CREB3L2: variants seen among roughly 807,000 people sequenced by gnomAD.
CREB3L2 encodes cyclic AMP-responsive element-binding protein 3-like protein 2.
In CREB3L2, 23 loss-of-function variants were observed where a neutral mutation model predicts 57.2. The ratio of observed to expected loss-of-function variants is 0.40; its 90% confidence interval spans 0.29 to 0.57. The LOEUF is 0.57. Among genes scored for constraint, CREB3L2 ranks in the 20% least tolerant of loss-of-function variants. The pLI is 0.42. For missense variants in CREB3L2, 628 were observed against 634.7 expected (o/e 0.99, Z 0.11); for synonymous variants, 268 against 265.1 (o/e 1.01, Z -0.11).
At chr7:137,904,125 G>T in intron 6 of CREB3L2, 108 bp from the exon 7 acceptor site, 1 of 893,586 alleles carries the variant, frequency 1.1e-6, no homozygotes, top group Non-Finnish European at 1.8e-6. Flanking sequence ...GCTTACTTCT[G>T]CAAGCTGCTT....
intron 10 of CREB3L2, 95 bp from the exon 11 acceptor site, chr7:137,882,723 C>T: frequency 1.2e-6 from 1 of 833,550 alleles, no homozygotes; most frequent in Non-Finnish European, 1.8e-6. Flanking sequence ...TGGCAGATGA[C>T]AATGTGTGTG....
chr7:137,922,620 G>A (rs1354880838), intron 2 of CREB3L2: 1 of 446,244 alleles, frequency 2.2e-6, no homozygotes, highest in South Asian at 1.6e-5. Context: ...GTTGGTCCTT[G>A]AACAACACGG....
intron 1 of CREB3L2, among the ~76,000 whole-genome samples, chr7:137,981,272 G>A (rs1801706339): frequency 6.6e-6 from 1 of 152,224 alleles, no homozygotes; most frequent in Admixed American, 6.5e-5. Flanking sequence ...GTGGAGCATG[G>A]CAAAGGCCTC....
chr7:137,975,631 C>T (rs1563271095), intron 1 of CREB3L2, among the ~76,000 whole-genome samples: 1 of 152,128 alleles, frequency 6.6e-6, no homozygotes, highest in Admixed American at 6.5e-5. Context: ...TAGCACACGG[C>T]ATACTTCTCC....
At chr7:137,954,000 G>T (rs1025386760) in intron 1 of CREB3L2, among the ~76,000 whole-genome samples, 1 of 152,188 alleles carries the variant, frequency 6.6e-6, no homozygotes, top group Non-Finnish European at 1.5e-5. Context: ...CACAGGGAAA[G>T]AGAAATTCTT....
chr7:137,952,860 T>C (rs115921106), intron 1 of CREB3L2, among the ~76,000 whole-genome samples: 3,002 of 152,204 alleles, frequency 0.02, 102 homozygotes, highest in African/African-American at 0.069. Flanking sequence ...TCTTGTCAAC[T>C]AGGCTGGAGT....
intron 1 of CREB3L2, among the ~76,000 whole-genome samples, chr7:137,934,456 G>A (rs1800735486): frequency 6.6e-6 from 1 of 152,196 alleles, no homozygotes; most frequent in Non-Finnish European, 1.5e-5. Context: ...CCCATTTACA[G>A]ATCAGAAAAC....
chr7:137,963,648 C>T (rs1477158123), intron 1 of CREB3L2, among the ~76,000 whole-genome samples: 1 of 152,144 alleles, frequency 6.6e-6, no homozygotes, highest in Non-Finnish European at 1.5e-5. Flanking sequence ...CCTTCACGAA[C>T]TGTATTTATA....
chr7:137,992,517 C>T (rs1198576360), intron 1 of CREB3L2, among the ~76,000 whole-genome samples: 1 of 152,196 alleles, frequency 6.6e-6, no homozygotes. Flanking sequence ...CAAGGGTTAC[C>T]CAGCCAGAGC....
chr7:137,901,555 G>C, intron 7 of CREB3L2, 133 bp from the exon 8 acceptor site: 4 of 536,354 alleles, frequency 7.5e-6, no homozygotes, highest in Non-Finnish European at 9.9e-6. Flanking sequence ...GTGTGGGAAA[G>C]TATTGAAAGA....
In CREB3L2 at chr7:137,982,466, T is replaced by C. The variant is rs544646246; in HGVS notation, c.102+19138A>G. On this transcript the variant is annotated intron_variant, in intron 1 of 11. Transcript: ENST00000330387. ...TTGAATTTAGCTCCCGCAGTTCCCA[T>C]GTGTCATGGGAGGGACGCAGTGGGA... 1.8e-4 allele frequency among the ~76,000 whole-genome samples: 27 copies of C among 152,230 alleles called. No individual in the cohort carries two copies. In the South Asian group the frequency reaches 5.2e-3, roughly 29 times the overall value.
chr7:137,998,369 A>T (rs1802024734), intron 1 of CREB3L2, among the ~76,000 whole-genome samples: 1 of 152,236 alleles, frequency 6.6e-6, no homozygotes, highest in Non-Finnish European at 1.5e-5. Flanking sequence ...GAGCAACAAA[A>T]GTGATCTCAC....
intron 8 of CREB3L2, among the ~76,000 whole-genome samples, chr7:137,900,488 A>C (rs967806704): frequency 3.9e-5 from 6 of 152,176 alleles, no homozygotes; most frequent in African/African-American, 1.4e-4. Context: ...AATTTTAAAA[A>C]ACTAATTTAA....
rs931680979 is a variant in CREB3L2, at chr7:137,875,680, G to A, written c.*4796C>T. ...TACAGTGTGCTCACAGGAAGGAATC[G>A]GCTCAGCTAGTCCAGAAATTGCTGC... is the stretch of plus-strand genomic sequence containing the variant. On this transcript the variant is annotated 3_prime_UTR_variant, in exon 12 of 12. Transcript: ENST00000330387. The A allele has an allele frequency of 4.5e-6, 1 of 220,554 alleles. No individual in the cohort carries two copies. Among genetic ancestry groups the A allele is most frequent in the Non-Finnish European group, 9.0e-6 (1 of 111,072 alleles). The allele number at this position is 220,554 out of a possible 1,614,324, so 13.7% of individuals were successfully genotyped here.
chr7:137,971,312 T>C (rs960669964), intron 1 of CREB3L2, among the ~76,000 whole-genome samples: 16 of 151,998 alleles, frequency 1.1e-4, no homozygotes, highest in Non-Finnish European at 1.9e-4. Context: ...TAGCCGGGTG[T>C]GGTGGCGGGC....
chr7:137,982,198 C>A (rs1050443616), intron 1 of CREB3L2, among the ~76,000 whole-genome samples: 3 of 152,220 alleles, frequency 2.0e-5, no homozygotes, highest in Admixed American at 2.0e-4. Flanking sequence ...ACTGCACATA[C>A]AATGCCCTAA....
At chr7:137,905,896 C>T (rs374990887) in intron 5 of CREB3L2, 48 bp from the exon 6 acceptor site, 4 of 1,527,002 alleles carry the variant, frequency 2.6e-6, no homozygotes, top group Non-Finnish European at 3.5e-6. Flanking sequence ...AGAACTGGGA[C>T]CACTGAAGAA....
chr7:137,989,533 T>G (rs1801851452), intron 1 of CREB3L2, among the ~76,000 whole-genome samples: 1 of 145,558 alleles, frequency 6.9e-6, no homozygotes, highest in Non-Finnish European at 1.5e-5. Flanking sequence ...CACTCAGCCC[T>G]TCTCTCAAAC....
At chr7:137,970,044 A>AT (rs1204856159) in intron 1 of CREB3L2, among the ~76,000 whole-genome samples, 2 of 152,050 alleles carry the variant, frequency 1.3e-5, no homozygotes, top group African/African-American at 2.4e-5. Context: ...AAGCACTGTT[A>AT]TGGGGGGGTT....
Sources: allele counts gnomAD v4.1 joint callset (sites outside exome capture counted in the v4.1 genomes callset), GRCh38; gene constraint gnomAD v4.1.1; transcripts MANE v1.5; gene names NCBI Gene and HGNC (gene_info 2026-07-23, HGNC 2026-07-21).